GLI2: variants seen among roughly 807,000 people sequenced by gnomAD.
The protein encoded by GLI2 is transcription activator GLI2.
Under a neutral mutation model 78.9 loss-of-function variants are expected in GLI2, and 22 were observed. The ratio of observed to expected loss-of-function variants is 0.28; its 90% confidence interval spans 0.20 to 0.40. The LOEUF is 0.40. GLI2 is among the 10% of genes least tolerant of loss of function. The pLI is 1.00. For missense variants in GLI2, 2,097 were observed against 2,213.2 expected, an observed-to-expected ratio of 0.95 and a Z score of 1.05; for synonymous variants, 974 against 963.7, an observed-to-expected ratio of 1.01 and a Z score of -0.20.
At chr2:120,795,647 G>A (rs954598787) in intron 1 of GLI2, among the ~76,000 whole-genome samples, 16 of 151,384 alleles carry the variant, frequency 1.1e-4, no homozygotes, top group East Asian at 2.0e-4. Context: ...TGCGACCCCC[G>A]TCCCCACACT....
intron 1 of GLI2, chr2:120,792,572 T>G (rs1684199261): frequency 6.6e-6 from 1 of 152,078 alleles, no homozygotes; most frequent in Non-Finnish European, 1.5e-5. Context: ...GATAAAAATG[T>G]ATCTTTTCAT....
intron 2 of GLI2, among the ~76,000 whole-genome samples, chr2:120,886,126 A>G (rs1340904886): frequency 6.9e-6 from 1 of 144,506 alleles, no homozygotes; most frequent in Non-Finnish European, 1.5e-5. Flanking sequence ...TTTTTGAGAC[A>G]GGGTCTTGGA....
At chr2:120,760,956 G>C (rs1683195539) in intron 1 of GLI2, among the ~76,000 whole-genome samples, 1 of 152,168 alleles carries the variant, frequency 6.6e-6, no homozygotes, top group African/African-American at 2.4e-5. Context: ...GTCTGCTGAG[G>C]TGGGCCTTGT....
chr2:120,852,334 T>C (rs1056428074), intron 2 of GLI2, among the ~76,000 whole-genome samples: 3 of 152,102 alleles, frequency 2.0e-5, no homozygotes, highest in African/African-American at 7.2e-5. Context: ...CTGAGCTCCA[T>C]TTTCGGGCCA....
At chr2:120,987,427 T>G (rs1450252413) in intron 13 of GLI2, among the ~76,000 whole-genome samples, 1 of 152,144 alleles carries the variant, frequency 6.6e-6, no homozygotes, top group Non-Finnish European at 1.5e-5. Flanking sequence ...ATGCAATGAC[T>G]GGTCACTGCA....
At chr2:120,767,395 G>T (rs1683396463) in intron 1 of GLI2, among the ~76,000 whole-genome samples, 2 of 152,122 alleles carry the variant, frequency 1.3e-5, no homozygotes, top group Admixed American at 1.3e-4. Flanking sequence ...GTTCAGTGGG[G>T]ATGTTTTTAT....
At chr2:120,761,837 C>G (rs1683222700) in intron 1 of GLI2, among the ~76,000 whole-genome samples, 1 of 152,158 alleles carries the variant, frequency 6.6e-6, no homozygotes, top group Non-Finnish European at 1.5e-5. Context: ...TGGCTTGGGG[C>G]AGGGACAGGG....
intron 1 of GLI2, among the ~76,000 whole-genome samples, chr2:120,795,576 C>T (rs1010149882): frequency 6.6e-6 from 1 of 151,820 alleles, no homozygotes; most frequent in Non-Finnish European, 1.5e-5. Flanking sequence ...GTTATAGGGC[C>T]TACTAATGTG....
intron 1 of GLI2, among the ~76,000 whole-genome samples, chr2:120,767,864 A>G (rs1683410565): frequency 6.6e-6 from 1 of 152,276 alleles, no homozygotes; most frequent in Admixed American, 6.5e-5. Context: ...TTCAATTCCC[A>G]TGGACATTGT....
At chr2:120,943,592 T>C (rs1680567051) in intron 3 of GLI2, among the ~76,000 whole-genome samples, 1 of 152,244 alleles carries the variant, frequency 6.6e-6, no homozygotes, top group Admixed American at 6.5e-5. Flanking sequence ...CACCCGCTGC[T>C]GCCGCTGGCC....
intron 2 of GLI2, among the ~76,000 whole-genome samples, chr2:120,855,084 G>A (rs2166898): frequency 0.15 from 22,266 of 152,224 alleles, 1,682 homozygotes; most frequent in Non-Finnish European, 0.16. Context: ...TATTTGGGCA[G>A]GAATAATAAA....
chr2:120,954,431 G>A (rs893206983), intron 4 of GLI2, among the ~76,000 whole-genome samples: 3 of 152,120 alleles, frequency 2.0e-5, no homozygotes, highest in African/African-American at 2.4e-5. Flanking sequence ...AGAGGAGGAC[G>A]GCAGCTTCCA....
chr2:120,796,408 A>T (rs1265439588), intron 1 of GLI2, among the ~76,000 whole-genome samples: 1 of 152,138 alleles, frequency 6.6e-6, no homozygotes, highest in Non-Finnish European at 1.5e-5. Flanking sequence ...TGACCCTTTT[A>T]CACCCGGAGT....
intron 2 of GLI2, among the ~76,000 whole-genome samples, chr2:120,856,921 A>G (rs1687672004): frequency 6.6e-6 from 1 of 152,138 alleles, no homozygotes; most frequent in Admixed American, 6.5e-5. Context: ...AACTGGGCCC[A>G]GAGGCCCTCT....
At chr2:120,916,127 C>T (rs1679085864) in intron 2 of GLI2, among the ~76,000 whole-genome samples, 1 of 152,160 alleles carries the variant, frequency 6.6e-6, no homozygotes, top group African/African-American at 2.4e-5. Context: ...TTAGACATGC[C>T]CAGGCTCACT....
chr2:120,828,321 G>A (rs1041287822), intron 2 of GLI2, among the ~76,000 whole-genome samples: 1 of 152,236 alleles, frequency 6.6e-6, no homozygotes, highest in African/African-American at 2.4e-5. Context: ...CCAGCCTCTT[G>A]TCTGAGCCCC....
chr2:120,782,539 C>T (rs923493448), intron 1 of GLI2, among the ~76,000 whole-genome samples: 19 of 152,200 alleles, frequency 1.2e-4, no homozygotes, highest in Non-Finnish European at 2.8e-4. Context: ...AAGAGGCTGA[C>T]CCAGGCTTCA....
rs145147250 is a variant in GLI2, at chr2:120,989,891, A to G, written c.3926A>G (p.His1309Arg). 6.2e-7 allele frequency: 1 copy of G among 1,613,044 alleles called. No homozygotes were observed. The highest frequency in any genetic ancestry group is 8.5e-7 in the Non-Finnish European group (1 of 1,179,970). The change falls in exon 14 of 14, where the codon CAT (histidine) becomes CGT (arginine). Residue 1309 changes from histidine (H) to arginine (R), a missense_variant. Physicochemically the swap from His to Arg is conservative, Grantham distance 29. This residue lies in a region of GLI2 where 1,290 missense variants were observed against 1,261.7 expected (regional missense o/e 1.02). Coordinates refer to ENST00000361492, the MANE Select transcript of GLI2 (RefSeq NM_001374353.1). Reference protein sequence around the residue: ...HPVQSYPQQSHHLAASMSQEG... With the variant: ...HPVQSYPQQSRHLAASMSQEG... ...GTCCAGAGCTACCCACAGCAGAGCCATCACCTGGCAGCCTCCATGAGCCAG... is the reference window on the plus strand; with the variant it reads ...GTCCAGAGCTACCCACAGCAGAGCCGTCACCTGGCAGCCTCCATGAGCCAG...
chr2:120,978,641 C>G, intron 10 of GLI2, 58 bp downstream of exon 10: 2 of 1,582,800 alleles, frequency 1.3e-6, no homozygotes, highest in South Asian at 1.1e-5. Flanking sequence ...TCAGCCAGGC[C>G]GGGGGGATCA....
Sources: gnomAD v4.1 joint callset for allele counts (sites outside exome capture counted in the v4.1 genomes callset) on GRCh38, gnomAD v4.1.1 for gene constraint, gnomAD v4.1.1 regional missense constraint, MANE v1.5 for transcripts, NCBI Gene and HGNC (gene_info 2026-07-23, HGNC 2026-07-21) for gene names.